C8orf34: variants seen among roughly 807,000 people sequenced by gnomAD.
The protein encoded by C8orf34 is uncharacterized protein C8orf34.
A neutral mutation model predicts 68.3 loss-of-function variants in C8orf34; 65 were observed. The ratio of observed to expected loss-of-function variants is 0.95; its 90% confidence interval spans 0.78 to 1.17. The LOEUF (loss-of-function observed/expected upper bound fraction) is 1.17. Among genes scored for constraint, C8orf34 ranks in the 50% most tolerant of loss-of-function variants. The probability of loss-of-function intolerance (pLI) is 0.00; values close to 1 mark genes in which losing one functional copy is unlikely to be tolerated. For synonymous variants in C8orf34, 244 were observed against 241.2 expected, an observed-to-expected ratio of 1.01 and a Z score of -0.11; for missense variants, 664 against 655.4, an observed-to-expected ratio of 1.01 and a Z score of -0.14.
At chr8:68,638,025 G>C (rs1280087280) in intron 7 of C8orf34, among the ~76,000 whole-genome samples, 2 of 152,102 alleles carry the variant, frequency 1.3e-5, no homozygotes, top group Admixed American at 1.3e-4. Flanking sequence ...TAACTACCAG[G>C]GGTCTTTAGA....
intron 8 of C8orf34, among the ~76,000 whole-genome samples, chr8:68,703,912 C>A (rs556730389): frequency 6.6e-6 from 1 of 152,210 alleles, no homozygotes; most frequent in South Asian, 2.1e-4. Flanking sequence ...TAACTATATG[C>A]AGCATGATTT....
chr8:68,330,782 C>T (rs1182906854), upstream of C8orf34: 2 of 434,198 alleles, frequency 4.6e-6, no homozygotes, highest in African/African-American at 2.3e-5. Flanking sequence ...TACACACAGT[C>T]GCGCGCGCAC....
intron 1 of C8orf34, among the ~76,000 whole-genome samples, chr8:68,421,727 G>A (rs1809982339): frequency 6.6e-6 from 1 of 152,184 alleles, no homozygotes. Flanking sequence ...GTCTGCAGTG[G>A]CAACAGAAGC....
intron 7 of C8orf34, among the ~76,000 whole-genome samples, chr8:68,610,354 T>C (rs774191599): frequency 6.6e-6 from 1 of 152,178 alleles, no homozygotes; most frequent in Non-Finnish European, 1.5e-5. Context: ...GTGTTGACAC[T>C]TCTATATAAA....
intron 10 of C8orf34, among the ~76,000 whole-genome samples, chr8:68,726,289 G>A (rs1174747849): frequency 1.3e-5 from 2 of 152,126 alleles, no homozygotes; most frequent in East Asian, 1.9e-4. Flanking sequence ...ATCAGAACAG[G>A]TAGTTTTTCA....
chr8:68,799,189 C>T (rs76722040), intron 12 of C8orf34, among the ~76,000 whole-genome samples: 13 of 152,182 alleles, frequency 8.5e-5, no homozygotes, highest in South Asian at 2.1e-4. Context: ...TATAAAGGAG[C>T]GGCACATGTT....
At chr8:68,377,544 G>T (rs746545561) in intron 1 of C8orf34, among the ~76,000 whole-genome samples, 152 of 152,268 alleles carry the variant, frequency 1.0e-3, no homozygotes, top group Non-Finnish European at 1.7e-3. Flanking sequence ...TAAGAATTTT[G>T]CAGGATTCTG....
Position 68,640,504 on chromosome 8 carries a change from T to C in C8orf34, c.1234T>C (p.Cys412Arg). The C allele has an allele frequency of 6.2e-7, 1 of 1,613,254 alleles. No individual in the cohort carries two copies. The highest frequency in any genetic ancestry group is 8.5e-7 in the Non-Finnish European group (1 of 1,179,654). The change falls in exon 8 of 14, where the codon TGT becomes CGT. Residue 412 changes from cysteine to arginine, a missense_variant. Coordinates refer to ENST00000518698, the MANE Select transcript of C8orf34 (RefSeq NM_052958.4). ...AKVTLNICSR[C>R]ARLQGDNLEE... Reference sequence around the variant, plus strand: ...GGTCACACTGAACATCTGTTCAAGGTGTGCCAGGTAAAAGACATAATAGGT... The same window carrying C: ...GGTCACACTGAACATCTGTTCAAGGCGTGCCAGGTAAAAGACATAATAGGT...
intron 1 of C8orf34, among the ~76,000 whole-genome samples, chr8:68,404,395 A>G (rs1809096667): frequency 6.6e-6 from 1 of 152,120 alleles, no homozygotes; most frequent in East Asian, 1.9e-4. Flanking sequence ...CTCCTTTGTC[A>G]ATCTTGGCTT....
chr8:68,760,095 GA>G (rs1437784539), intron 10 of C8orf34, among the ~76,000 whole-genome samples: 2 of 152,302 alleles, frequency 1.3e-5, no homozygotes, highest in Admixed American at 1.3e-4. Context: ...GCTTCCTGGA[GA>G]AGTTGGCCTG....
chr8:68,518,403 A>G (rs1206618802), intron 5 of C8orf34, among the ~76,000 whole-genome samples: 1 of 152,132 alleles, frequency 6.6e-6, no homozygotes, highest in Non-Finnish European at 1.5e-5. Context: ...CTTCCCTCAA[A>G]ATAAACAGAA....
chr8:68,743,657 A>C (rs548672554), intron 10 of C8orf34, among the ~76,000 whole-genome samples: 1 of 152,350 alleles, frequency 6.6e-6, no homozygotes, highest in South Asian at 2.1e-4. Flanking sequence ...CTCCCACCCG[A>C]ATACTGCGCT....
chr8:68,398,848 G>T (rs573204395), intron 1 of C8orf34, among the ~76,000 whole-genome samples: 5 of 152,236 alleles, frequency 3.3e-5, no homozygotes, highest in Non-Finnish European at 5.9e-5. Flanking sequence ...AGGTGACAGC[G>T]CAGCAGTGTC....
At chr8:68,728,277 C>G (rs916352536) in intron 10 of C8orf34, among the ~76,000 whole-genome samples, 2 of 152,176 alleles carry the variant, frequency 1.3e-5, no homozygotes, top group African/African-American at 2.4e-5. Flanking sequence ...TCTTCTCCAT[C>G]TGAGACCATC....
intron 7 of C8orf34, among the ~76,000 whole-genome samples, chr8:68,602,739 G>C (rs556433270): frequency 6.6e-6 from 1 of 151,950 alleles, no homozygotes; most frequent in Non-Finnish European, 1.5e-5. Flanking sequence ...GGCTCAGCTC[G>C]TACTAGATCG....
intron 3 of C8orf34, among the ~76,000 whole-genome samples, chr8:68,463,227 C>G (rs1168875559): frequency 1.3e-5 from 2 of 152,142 alleles, no homozygotes; most frequent in African/African-American, 4.8e-5. Context: ...TACACCCTCC[C>G]AAGACTAAAC....
At chr8:68,418,870 T>C (rs1314321968) in intron 1 of C8orf34, among the ~76,000 whole-genome samples, 3 of 151,474 alleles carry the variant, frequency 2.0e-5, no homozygotes, top group Non-Finnish European at 4.4e-5. Flanking sequence ...CCTAAAACCA[T>C]AAAAACCCTA....
intron 7 of C8orf34, among the ~76,000 whole-genome samples, chr8:68,572,047 A>G (rs892381447): frequency 2.0e-5 from 3 of 152,190 alleles, no homozygotes; most frequent in Non-Finnish European, 4.4e-5. Flanking sequence ...AGACTTGCAT[A>G]GCACGTTACC....
intron 5 of C8orf34, among the ~76,000 whole-genome samples, chr8:68,491,063 C>T (rs1813292783): frequency 6.6e-6 from 1 of 152,128 alleles, no homozygotes; most frequent in Admixed American, 6.5e-5. Context: ...ATGTTTTTCC[C>T]AACCTTTATA....
Sources: gnomAD v4.1 joint callset for allele counts (sites outside exome capture counted in the v4.1 genomes callset) on GRCh38, gnomAD v4.1.1 for gene constraint, MANE v1.5 for transcripts, NCBI Gene and HGNC (gene_info 2026-07-23, HGNC 2026-07-21) for gene names.